Variants in KIF1B observed in about 807,000 individuals in gnomAD.
The protein encoded by KIF1B is kinesin family member 1B.
In KIF1B, 76 loss-of-function variants were observed where a neutral mutation model predicts 241.9. That is an observed-to-expected ratio of 0.31 (90% CI 0.26 to 0.38). The LOEUF (loss-of-function observed/expected upper bound fraction) is 0.38, where lower values mean the gene tolerates loss of function less well. Ranked by LOEUF, KIF1B falls within the 10% of genes least tolerant of loss-of-function variation. The pLI, the probability that KIF1B is intolerant of heterozygous loss-of-function variation, is 1.00. For missense variants in KIF1B, 1,622 were observed against 2,271.4 expected (o/e 0.71, Z 5.81); for synonymous variants, 750 against 796.7 (o/e 0.94, Z 0.99).
Position 10,295,686 on chromosome 1 carries a change from G to A in KIF1B, c.1697G>A (p.Arg566His), listed in dbSNP as rs751881065. The A allele has an allele frequency of 2.5e-6, 4 of 1,613,732 alleles. No individual in the cohort carries two copies. Among genetic ancestry groups the A allele is most frequent in the Non-Finnish European group, 1.7e-6 (2 of 1,179,884 alleles). ...GTTGGCCAAGCAGATGCTGAGCGGC[G>A]CCAGGACATAGTGCTGAGCGGGGCT... The part of the protein sequence containing the change: ...TRVGQADAER[R>H]QDIVLSGAHI... Residue 566 changes from arginine (R) to histidine (H), a missense_variant, in exon 19 of 49, where the codon CGC (arginine) becomes CAC (histidine). Arg to His is a conservative substitution (Grantham distance 29, BLOSUM62 0). Transcript: ENST00000676179.
At chr1:10,317,286 A>G (rs1245921245) in intron 22 of KIF1B, among the ~76,000 whole-genome samples, 1 of 151,530 alleles carries the variant, frequency 6.6e-6, no homozygotes, top group African/African-American at 2.5e-5. Context: ...TCTATATTCA[A>G]TGTACTGTGC....
At chr1:10,255,845 A>G (rs2102180740) in intron 2 of KIF1B, among the ~76,000 whole-genome samples, 1 of 152,242 alleles carries the variant, frequency 6.6e-6, no homozygotes, top group East Asian at 1.9e-4. Flanking sequence ...GCTGGGGTGC[A>G]GTGGCTCGAT....
intron 22 of KIF1B, among the ~76,000 whole-genome samples, chr1:10,301,625 A>G (rs114515418): frequency 0.019 from 2,855 of 152,052 alleles, 41 homozygotes; most frequent in Non-Finnish European, 0.028. Flanking sequence ...GAGATCGGGC[A>G]CTCCAGCCTG....
At chr1:10,300,453 A>C (rs1650487242) in intron 22 of KIF1B, among the ~76,000 whole-genome samples, 1 of 151,706 alleles carries the variant, frequency 6.6e-6, no homozygotes, top group African/African-American at 2.4e-5. Flanking sequence ...CAGCTGCTAG[A>C]TTTTACTTGA....
At chr1:10,225,109 C>CT (rs1382512049) in intron 1 of KIF1B, among the ~76,000 whole-genome samples, 1 of 152,182 alleles carries the variant, frequency 6.6e-6, no homozygotes, top group East Asian at 1.9e-4. Flanking sequence ...TCACCTCCTG[C>CT]TGTGTGGCCT....
chr1:10,228,863 ATGT>A (rs1173069215), intron 1 of KIF1B, among the ~76,000 whole-genome samples: 1 of 152,226 alleles, frequency 6.6e-6, no homozygotes, highest in Non-Finnish European at 1.5e-5. Context: ...TTTGTGAATA[ATGT>A]TGGTAATAAT....
intron 1 of KIF1B, among the ~76,000 whole-genome samples, chr1:10,225,219 G>C (rs538487454): frequency 6.6e-6 from 1 of 152,254 alleles, no homozygotes; most frequent in Admixed American, 6.5e-5. Context: ...GGTGTGGTGG[G>C]ACATGCCTGT....
chr1:10,375,963 A>AT (rs530621079), intron 48 of KIF1B, among the ~76,000 whole-genome samples: 2,156 of 139,922 alleles, frequency 0.015, 21 homozygotes, highest in Middle Eastern at 0.032. Context: ...CACCCAGCTA[A>AT]TTTTTTTTTT....
At chr1:10,278,157 C>G (rs1421238221) in intron 13 of KIF1B, 29 bp downstream of exon 13, 4 of 1,606,522 alleles carry the variant, frequency 2.5e-6, no homozygotes, top group Non-Finnish European at 3.4e-6. Flanking sequence ...GTTACAAAAT[C>G]TAATCCTTTC....
Position 10,372,694 on chromosome 1 carries a change from A to C in KIF1B, c.4946+1432A>C, listed in dbSNP as rs568665846. Among the ~76,000 whole-genome samples, 281 of 127,486 alleles carry C rather than the reference A, an allele frequency of 2.2e-3. 1 individual carries two copies. Among genetic ancestry groups the C allele is most frequent in the Non-Finnish European group, 2.9e-3 (175 of 60,816 alleles). The allele number at this position is 127,486 out of a possible 152,430, so 83.6% of individuals were successfully genotyped here. A position where few individuals can be genotyped will look rare whatever the true frequency, so the allele number is the denominator to read the frequency against. On this transcript the variant is annotated intron_variant, in intron 45 of 48. Transcript: ENST00000676179. ...ACCCAAGCTGGCGCGCAGCGGCGCA[A>C]TCTCGGCTCACTGCAAGCTCCGCCT...
intron 18 of KIF1B, 148 bp downstream of exon 18, chr1:10,295,313 TA>T (rs914913282): frequency 6.2e-5 from 42 of 679,092 alleles, no homozygotes; most frequent in Non-Finnish European, 2.4e-5. Flanking sequence ...TCTTTCCAAA[TA>T]ATGTGTTTTT....
intron 22 of KIF1B, 64 bp downstream of exon 22, chr1:10,297,310 T>G (rs545132386): frequency 7.0e-7 from 1 of 1,431,512 alleles, no homozygotes; most frequent in East Asian, 2.3e-5. Flanking sequence ...CTTTCCCTGT[T>G]CCACAGAGCA....
intron 7 of KIF1B, among the ~76,000 whole-genome samples, chr1:10,269,051 C>T (rs1036928142): frequency 1.1e-4 from 17 of 152,074 alleles, no homozygotes; most frequent in Admixed American, 1.1e-3. Flanking sequence ...ATCTGCATCC[C>T]TAAGAAGGAT....
At chr1:10,335,505 G>A (rs1159845419) in intron 28 of KIF1B, among the ~76,000 whole-genome samples, 1 of 152,032 alleles carries the variant, frequency 6.6e-6, no homozygotes, top group Non-Finnish European at 1.5e-5. Context: ...TGCCCACCTC[G>A]GCCTCCCAAA....
chr1:10,351,170 T>C (rs1652780419), intron 37 of KIF1B, among the ~76,000 whole-genome samples: 1 of 151,642 alleles, frequency 6.6e-6, no homozygotes, highest in South Asian at 2.1e-4. Context: ...TCATAATAAA[T>C]TTTTCTTTTT....
intron 48 of KIF1B, among the ~76,000 whole-genome samples, chr1:10,375,880 T>G (rs1638873876): frequency 1.6e-5 from 2 of 127,334 alleles, no homozygotes; most frequent in Non-Finnish European, 3.2e-5. Context: ...CACCGCAACC[T>G]CCACCTCCCA....
chr1:10,226,188 T>G (rs933730562), intron 1 of KIF1B, among the ~76,000 whole-genome samples: 10 of 152,080 alleles, frequency 6.6e-5, no homozygotes, highest in Non-Finnish European at 1.3e-4. Context: ...AAAGCAAGCT[T>G]TTAGCCTGTG....
chr1:10,301,651 T>A (rs1486603089), intron 22 of KIF1B, among the ~76,000 whole-genome samples: 1 of 151,924 alleles, frequency 6.6e-6, no homozygotes, highest in Admixed American at 6.6e-5. Flanking sequence ...CAGAGCAAGA[T>A]TCTGTCTCAA....
intron 22 of KIF1B, among the ~76,000 whole-genome samples, chr1:10,314,300 A>G (rs987312831): frequency 1.3e-5 from 2 of 151,646 alleles, no homozygotes; most frequent in South Asian, 2.1e-4. Flanking sequence ...GATGATATAC[A>G]GTGTCCTTTT....
Sources: gnomAD v4.1 joint callset for allele counts (sites outside exome capture counted in the v4.1 genomes callset) on GRCh38, gnomAD v4.1.1 for gene constraint, MANE v1.5 for transcripts, NCBI Gene and HGNC (gene_info 2026-07-23, HGNC 2026-07-21) for gene names.